The following STPG2 variants were observed in gnomAD, a reference collection of about 807,000 sequenced individuals.
The protein encoded by STPG2 is sperm tail PG-rich repeat containing 2.
In STPG2, 56 loss-of-function variants were observed where a neutral mutation model predicts 54.2. That is an observed-to-expected ratio of 1.03 (90% CI 0.83 to 1.29). The LOEUF is 1.29. Among genes scored for constraint, STPG2 ranks in the 50% most tolerant of loss-of-function variants. STPG2 has a pLI of 0.00. For synonymous variants in STPG2, 200 were observed against 181.8 expected (o/e 1.10, Z -0.81); for missense variants, 596 against 544.9 (o/e 1.09, Z -0.93).
intron 3 of STPG2, among the ~76,000 whole-genome samples, chr4:98,114,688 G>A (rs180927248): frequency 6.6e-6 from 1 of 150,832 alleles, no homozygotes; most frequent in Non-Finnish European, 1.5e-5. Context: ...TAATCCAGTA[G>A]GAGGAAAGAT....
chr4:97,877,233 T>A (rs113105600), intron 8 of STPG2, among the ~76,000 whole-genome samples: 2,784 of 152,236 alleles, frequency 0.018, 76 homozygotes, highest in African/African-American at 0.063. Context: ...CTCTCCCTTT[T>A]CCCCTAGCTT....
chr4:97,637,849 C>T (rs1721611936), intron 10 of STPG2, among the ~76,000 whole-genome samples: 1 of 152,100 alleles, frequency 6.6e-6, no homozygotes, highest in Non-Finnish European at 1.5e-5. Context: ...GAAGAGGATA[C>T]AAACAAATGG....
chr4:97,559,026 G>A lies in STPG2; in HGVS notation c.*32C>T. 1 of 1,519,888 alleles carries A rather than the reference G, an allele frequency of 6.6e-7. No individual in the cohort carries two copies. The highest frequency in any genetic ancestry group is 9.0e-7 in the Non-Finnish European group (1 of 1,110,994). The allele number at this position is 1,519,888 out of a possible 1,614,324, so 94.2% of individuals were successfully genotyped here. Reference sequence around the variant, plus strand: ...AAAGAAATAAACTGACTTCCATGAAGTTGTTTTTTAAGTTTTTGCCATAAA... The same window carrying A: ...AAAGAAATAAACTGACTTCCATGAAATTGTTTTTTAAGTTTTTGCCATAAA... On this transcript the variant is annotated 3_prime_UTR_variant, in exon 11 of 11. Transcript: ENST00000295268.
intron 8 of STPG2, among the ~76,000 whole-genome samples, chr4:97,933,783 A>G (rs1225667368): frequency 6.6e-6 from 1 of 152,176 alleles, no homozygotes; most frequent in Non-Finnish European, 1.5e-5. Flanking sequence ...GTGTGGTTTG[A>G]AGGCAGGCAG....
chr4:97,903,221 C>T (rs1445741515), intron 8 of STPG2, among the ~76,000 whole-genome samples: 1 of 152,016 alleles, frequency 6.6e-6, no homozygotes, highest in Non-Finnish European at 1.5e-5. Flanking sequence ...ATTCTAATTA[C>T]ATACACACAA....
intron 4 of STPG2, among the ~76,000 whole-genome samples, chr4:97,545,628 C>T (rs965080337): frequency 2.0e-5 from 3 of 151,964 alleles, no homozygotes; most frequent in African/African-American, 7.2e-5. Flanking sequence ...TGTGTATCTC[C>T]TATTCAATAC....
chr4:97,569,831 T>A (rs1434059559), intron 10 of STPG2, among the ~76,000 whole-genome samples: 1 of 152,050 alleles, frequency 6.6e-6, no homozygotes, highest in Non-Finnish European at 1.5e-5. Flanking sequence ...TATAAATTAT[T>A]AATTATAAAA....
At chr4:97,455,136 G>T (rs1729483519) in intron 4 of STPG2, among the ~76,000 whole-genome samples, 1 of 152,060 alleles carries the variant, frequency 6.6e-6, no homozygotes, top group Admixed American at 6.6e-5. Context: ...AGTGTAAAAT[G>T]CAAAACTAGA....
chr4:97,493,151 A>G (rs896946763), intron 4 of STPG2, among the ~76,000 whole-genome samples: 1 of 151,044 alleles, frequency 6.6e-6, no homozygotes, highest in Non-Finnish European at 1.5e-5. Context: ...CTGTATAGAA[A>G]GAGTAAAACG....
In STPG2 at chr4:98,041,010, T is replaced by C. The variant is rs115765229; in HGVS notation, c.613-59692A>G. Among the ~76,000 whole-genome samples the C allele has an allele frequency of 3.1e-3, 472 of 152,002 alleles. 5 individuals are homozygous for C. The highest frequency in any genetic ancestry group is 0.011 in the African/African-American group (454 of 41,548). ...ACTCATTTGTCTGTGTCATCTACGA[T>C]TTCTTTCATCAGTGTTTCACCATTT... On this transcript the variant is annotated intron_variant, in intron 5 of 10. Coordinates refer to ENST00000295268, the MANE Select transcript of STPG2 (RefSeq NM_174952.3).
At chr4:97,829,008 C>T (rs907693862) in intron 9 of STPG2, among the ~76,000 whole-genome samples, 6 of 152,108 alleles carry the variant, frequency 3.9e-5, no homozygotes, top group East Asian at 1.9e-4. Flanking sequence ...CGAAGCACAG[C>T]GTTTGAGTCT....
intron 9 of STPG2, among the ~76,000 whole-genome samples, chr4:97,823,876 A>G (rs549273508): frequency 6.6e-6 from 1 of 152,276 alleles, no homozygotes; most frequent in African/African-American, 2.4e-5. Context: ...TCTTACTAAA[A>G]GCAAGGACAC....
intron 8 of STPG2, among the ~76,000 whole-genome samples, chr4:97,907,848 A>C (rs1006243386): frequency 4.6e-5 from 7 of 152,066 alleles, no homozygotes; most frequent in Non-Finnish European, 8.8e-5. Flanking sequence ...CCTTCCTTAC[A>C]CCTTATACAA....
chr4:98,006,527 C>G (rs557077861), intron 5 of STPG2, among the ~76,000 whole-genome samples: 1 of 152,314 alleles, frequency 6.6e-6, no homozygotes, highest in Admixed American at 6.5e-5. Context: ...AACCTAGCAG[C>G]AGCAACTGCC....
At chr4:97,722,190 G>A (rs2149016817) in intron 9 of STPG2, among the ~76,000 whole-genome samples, 1 of 151,110 alleles carries the variant, frequency 6.6e-6, no homozygotes, top group Non-Finnish European at 1.5e-5. Flanking sequence ...TATGAGAAAA[G>A]ACTTGTGTAT....
At chr4:97,872,153 A>G (rs1404319138) in intron 8 of STPG2, among the ~76,000 whole-genome samples, 1 of 151,130 alleles carries the variant, frequency 6.6e-6, no homozygotes, top group African/African-American at 2.4e-5. Flanking sequence ...ATTGATAAAA[A>G]TATATATGCT....
intron 10 of STPG2, among the ~76,000 whole-genome samples, chr4:97,699,817 G>A (rs1409564968): frequency 6.6e-6 from 1 of 152,208 alleles, no homozygotes; most frequent in Admixed American, 6.5e-5. Flanking sequence ...GGCTGGAGGA[G>A]ACGAGGCAGT....
intron 9 of STPG2, among the ~76,000 whole-genome samples, chr4:97,832,611 C>A (rs1728503231): frequency 6.6e-6 from 1 of 152,210 alleles, no homozygotes; most frequent in Non-Finnish European, 1.5e-5. Context: ...ATTTAGAAAA[C>A]CCCATCGTCT....
At chr4:97,750,246 A>T (rs567711528) in intron 9 of STPG2, among the ~76,000 whole-genome samples, 1 of 151,932 alleles carries the variant, frequency 6.6e-6, no homozygotes, top group Admixed American at 6.6e-5. Context: ...ACTCACCAGC[A>T]TCTAGCTGAC....
Sources: gnomAD v4.1 joint callset for allele counts (sites outside exome capture counted in the v4.1 genomes callset) on GRCh38, gnomAD v4.1.1 for gene constraint, MANE v1.5 for transcripts, NCBI Gene and HGNC (gene_info 2026-07-23, HGNC 2026-07-21) for gene names.